CDKAL1: variants seen among roughly 807,000 people sequenced by gnomAD.
The protein encoded by CDKAL1 is CDKAL1 threonylcarbamoyladenosine tRNA methylthiotransferase.
In CDKAL1, 32 loss-of-function variants were observed where a neutral mutation model predicts 68.2. That is an observed-to-expected ratio of 0.47 (90% CI 0.35 to 0.63). The LOEUF (loss-of-function observed/expected upper bound fraction) is 0.63. Ranked by LOEUF, CDKAL1 falls within the 30% of genes least tolerant of loss-of-function variation. The probability of loss-of-function intolerance (pLI) is 0.00; values close to 1 mark genes in which losing one functional copy is unlikely to be tolerated. For synonymous variants in CDKAL1, 234 were observed against 244.3 expected (o/e 0.96, Z 0.39); for missense variants, 606 against 696.7 (o/e 0.87, Z 1.47).
Position 20,561,446 on chromosome 6 carries a change from G to GAAAAAAAA in CDKAL1, c.286+12759_286+12766dup, listed in dbSNP as rs55750789. ...GACAGAGCAAGACCATCTCAAAAAA[G>GAAAAAAAA]AAAAAAAAAAAAAAAAAAAAAAAAA... On this transcript the variant is annotated intron_variant, in intron 4 of 15. Coordinates refer to ENST00000274695, the MANE Select transcript of CDKAL1 (RefSeq NM_017774.3). Among the ~76,000 whole-genome samples the GAAAAAAAA allele has an allele frequency of 2.4e-3, 188 of 79,642 alleles. 3 individuals are homozygous for GAAAAAAAA. Among genetic ancestry groups the GAAAAAAAA allele is most frequent in the African/African-American group, 6.1e-3 (125 of 20,416 alleles). 52.2% of individuals were successfully genotyped at this position (79,642 alleles called of 152,430 possible). A position where few individuals can be genotyped will look rare whatever the true frequency, so the allele number is the denominator to read the frequency against.
chr6:20,987,790 A>AT (rs1026299537), intron 10 of CDKAL1, among the ~76,000 whole-genome samples: 8 of 151,694 alleles, frequency 5.3e-5, no homozygotes, highest in Admixed American at 2.6e-4. Flanking sequence ...ATTTTATTTT[A>AT]TTTTTTTGGG....
intron 13 of CDKAL1, among the ~76,000 whole-genome samples, chr6:21,168,195 T>C (rs976274654): frequency 1.3e-5 from 2 of 152,194 alleles, no homozygotes; most frequent in African/African-American, 4.8e-5. Context: ...AACCCTTCTT[T>C]CTGGGGGCAG....
At position 21,162,820 on chromosome 6, in the gene CDKAL1, C is replaced by T. The variant is rs535882674; in HGVS notation, c.1300-35201C>T. The stretch of plus-strand genomic sequence containing the variant: ...GCATGTGTCTGTAGTCCCAGCTGCT[C>T]AGGAGGCTGAGGTGGGAGGATCACT... On this transcript the variant is annotated intron_variant, in intron 13 of 15. Transcript: ENST00000274695. Among the ~76,000 whole-genome samples the T allele has an allele frequency of 3.9e-5, 6 of 152,136 alleles. No individual in the cohort carries two copies. In the East Asian group the frequency reaches 1.2e-3, roughly 29 times the overall value.
At chr6:21,190,364 G>GT (rs1308254985) in intron 13 of CDKAL1, among the ~76,000 whole-genome samples, 155 of 151,054 alleles carry the variant, frequency 1.0e-3, no homozygotes, top group African/African-American at 3.0e-3. Context: ...TATGTGTGGG[G>GT]TTTTTTTTGT....
chr6:20,604,476 G>T (rs574734204), intron 4 of CDKAL1, among the ~76,000 whole-genome samples: 1 of 152,290 alleles, frequency 6.6e-6, no homozygotes, highest in Non-Finnish European at 1.5e-5. Context: ...TCTGCATATG[G>T]ATTTGCTTTC....
At chr6:21,018,581 A>C (rs186761195) in intron 11 of CDKAL1, among the ~76,000 whole-genome samples, 1 of 152,328 alleles carries the variant, frequency 6.6e-6, no homozygotes, top group African/African-American at 2.4e-5. Context: ...CTGCCTGAGT[A>C]ATGGAAATTA....
chr6:20,977,939 T>G (rs906600443), intron 10 of CDKAL1, among the ~76,000 whole-genome samples: 4 of 152,156 alleles, frequency 2.6e-5, no homozygotes, highest in African/African-American at 9.7e-5. Flanking sequence ...TGTTAATATC[T>G]AATTAATGAA....
intron 9 of CDKAL1, among the ~76,000 whole-genome samples, chr6:20,939,246 G>A (rs1001969281): frequency 6.6e-6 from 1 of 152,050 alleles, no homozygotes; most frequent in Non-Finnish European, 1.5e-5. Flanking sequence ...ACTTTTTTCT[G>A]TCTGTTCCTT....
intron 15 of CDKAL1, 138 bp from the exon 16 acceptor site, chr6:21,230,710 T>G: frequency 5.1e-6 from 3 of 593,248 alleles, no homozygotes; most frequent in Non-Finnish European, 5.5e-6. Context: ...ACCTGGCCCA[T>G]GGTGGGTGTT....
intron 7 of CDKAL1, among the ~76,000 whole-genome samples, chr6:20,775,732 A>G (rs904231636): frequency 2.0e-5 from 3 of 152,336 alleles, no homozygotes; most frequent in Admixed American, 6.5e-5. Flanking sequence ...CAGTATTGAT[A>G]ACTGCACATA....
At chr6:21,141,126 C>T (rs898357424) in intron 13 of CDKAL1, among the ~76,000 whole-genome samples, 1 of 152,126 alleles carries the variant, frequency 6.6e-6, no homozygotes, top group Non-Finnish European at 1.5e-5. Flanking sequence ...CAAACCATAT[C>T]ACTACACAAG....
chr6:20,748,386 T>C (rs113324732), intron 6 of CDKAL1, among the ~76,000 whole-genome samples: 5 of 151,924 alleles, frequency 3.3e-5, no homozygotes, highest in African/African-American at 1.2e-4. Context: ...GGCATACTCC[T>C]GTAGTTCCAG....
At chr6:20,674,251 G>C (rs149466534) in intron 5 of CDKAL1, among the ~76,000 whole-genome samples, 1 of 151,802 alleles carries the variant, frequency 6.6e-6, no homozygotes, top group Non-Finnish European at 1.5e-5. Context: ...AGTTTCTTTT[G>C]TCCAGTTTGT....
chr6:21,067,225 A>T (rs1771506194), intron 12 of CDKAL1, among the ~76,000 whole-genome samples: 1 of 152,168 alleles, frequency 6.6e-6, no homozygotes, highest in Non-Finnish European at 1.5e-5. Flanking sequence ...AAAGGAAGCC[A>T]CCATGCCTTA....
At chr6:21,007,957 G>A (rs1767820261) in intron 11 of CDKAL1, among the ~76,000 whole-genome samples, 1 of 152,216 alleles carries the variant, frequency 6.6e-6, no homozygotes, top group African/African-American at 2.4e-5. Flanking sequence ...AAATATTGAG[G>A]AGAAGAAATT....
chr6:21,183,911 G>A (rs140160209), intron 13 of CDKAL1, among the ~76,000 whole-genome samples: 3,341 of 152,178 alleles, frequency 0.022, 73 homozygotes, highest in South Asian at 0.04. Flanking sequence ...TTGGCCGGGG[G>A]CATTCAAAGT....
At chr6:20,642,708 A>G (rs1010089445) in intron 4 of CDKAL1, among the ~76,000 whole-genome samples, 2 of 152,136 alleles carry the variant, frequency 1.3e-5, no homozygotes, top group African/African-American at 2.4e-5. Flanking sequence ...ATTTTACAGT[A>G]TGTAATGGAA....
intron 10 of CDKAL1, among the ~76,000 whole-genome samples, chr6:20,980,549 A>G (rs1766090636): frequency 6.6e-6 from 1 of 152,168 alleles, no homozygotes; most frequent in Admixed American, 6.5e-5. Flanking sequence ...TTTTTAAGAG[A>G]AACATTTCCT....
chr6:20,794,602 A>G (rs115606949), intron 8 of CDKAL1, among the ~76,000 whole-genome samples: 2,034 of 152,280 alleles, frequency 0.013, 48 homozygotes, highest in African/African-American at 0.045. Context: ...GTTAATTAAA[A>G]ATCTTTTTGG....
Sources: gnomAD v4.1 joint callset for allele counts (sites outside exome capture counted in the v4.1 genomes callset) on GRCh38, gnomAD v4.1.1 for gene constraint, MANE v1.5 for transcripts, NCBI Gene and HGNC (gene_info 2026-07-23, HGNC 2026-07-21) for gene names.